Variants in WDR25 observed in about 807,000 individuals in gnomAD.
WDR25 encodes WD repeat-containing protein 25.
Under a neutral mutation model 47.7 loss-of-function variants are expected in WDR25, and 35 were observed. That is an observed-to-expected ratio of 0.73 (90% CI 0.56 to 0.97). WDR25 has a LOEUF of 0.97. WDR25 is among the 50% of genes least tolerant of loss of function. WDR25 has a pLI of 0.00. For synonymous variants in WDR25, 248 were observed against 278.9 expected (o/e 0.89, Z 1.10); for missense variants, 634 against 704.7 (o/e 0.90, Z 1.14).
At chr14:100,418,371 T>C (rs1451852696) in intron 2 of WDR25, among the ~76,000 whole-genome samples, 1 of 149,958 alleles carries the variant, frequency 6.7e-6, no homozygotes, top group Non-Finnish European at 1.5e-5. Flanking sequence ...CCGTGGCTCA[T>C]GCCTGTAATC....
chr14:100,445,942 G>A (rs966355280), intron 2 of WDR25, among the ~76,000 whole-genome samples: 1 of 152,166 alleles, frequency 6.6e-6, no homozygotes, highest in Non-Finnish European at 1.5e-5. Context: ...GGCGAGGCCC[G>A]GCCATACCAG....
At chr14:100,479,196 G>A (rs887088751) in intron 3 of WDR25, among the ~76,000 whole-genome samples, 2 of 152,166 alleles carry the variant, frequency 1.3e-5, no homozygotes, top group African/African-American at 4.8e-5. Flanking sequence ...GTGTCCTGGG[G>A]CCTCTGTGCT....
At position 100,506,493 on chromosome 14, in the gene WDR25, C is replaced by T. The variant is rs577222747; in HGVS notation, c.1102-19377C>T. On this transcript the variant is annotated intron_variant, in intron 4 of 6. Transcript: ENST00000402312. This position sits in a 1 kb window ranked among gnomAD's most constrained non-coding sequence, Gnocchi z 4.8. ...TGTTCTTTGAGAAACCTCCAAACTG[C>T]TTTCCACAATGGCTGAAATAACTTA... Among the ~76,000 whole-genome samples the T allele has an allele frequency of 1.6e-4, 24 of 152,288 alleles. No individual in the cohort carries two copies. The highest frequency in any genetic ancestry group is 5.8e-4 in the African/African-American group (24 of 41,570).
chr14:100,399,356 C>T (rs535125274), intron 2 of WDR25, among the ~76,000 whole-genome samples: 1 of 152,076 alleles, frequency 6.6e-6, no homozygotes, highest in East Asian at 1.9e-4. Context: ...CAGCCTAGGA[C>T]GTTTCCTTCC....
chr14:100,412,198 C>T (rs1273977382), intron 2 of WDR25, among the ~76,000 whole-genome samples: 1 of 145,322 alleles, frequency 6.9e-6, no homozygotes, highest in Non-Finnish European at 1.5e-5. Context: ...CAGAGTGAGA[C>T]CCTGTCTCAA....
intron 4 of WDR25, among the ~76,000 whole-genome samples, chr14:100,524,488 C>G (rs2030017171): frequency 6.6e-6 from 1 of 152,186 alleles, no homozygotes; most frequent in Admixed American, 6.5e-5. Context: ...TGGAGGAAGG[C>G]AGGCAGCCGT....
At chr14:100,481,097 A>G in intron 3 of WDR25, 1 of 417,726 alleles carries the variant, frequency 2.4e-6, no homozygotes, top group Non-Finnish European at 4.6e-6. Context: ...TTCAGACAAA[A>G]AAGTGCAAAA....
chr14:100,396,474 C>T (rs570590485), intron 2 of WDR25, among the ~76,000 whole-genome samples: 10 of 152,212 alleles, frequency 6.6e-5, no homozygotes, highest in Non-Finnish European at 1.5e-4. Flanking sequence ...GTCAATCAAG[C>T]GCAGAGCTGA....
chr14:100,486,771 C>T (rs564013324), intron 4 of WDR25, among the ~76,000 whole-genome samples: 33 of 152,288 alleles, frequency 2.2e-4, no homozygotes, highest in African/African-American at 7.5e-4. Flanking sequence ...TTTCAGGGAC[C>T]GCGGTGGGAA....
chr14:100,416,711 A>T (rs987902371), intron 2 of WDR25, among the ~76,000 whole-genome samples: 1 of 152,174 alleles, frequency 6.6e-6, no homozygotes, highest in Non-Finnish European at 1.5e-5. Context: ...CACCATGTGC[A>T]CCTGGGCTGT....
In WDR25 at chr14:100,523,614, G is replaced by T. The variant is rs148189985; in HGVS notation, c.1102-2256G>T. Among the ~76,000 whole-genome samples the T allele has an allele frequency of 6.6e-6, 1 of 152,126 alleles. No individual in the cohort carries two copies. The highest frequency in any genetic ancestry group is 1.5e-5 in the Non-Finnish European group (1 of 68,018). ...GAGCCCAGTGACCACCCCCAACCCC[G>T]TGCACTCTGGAAGTGGCAGGAACCC... is the stretch of plus-strand genomic sequence containing the variant. On this transcript the variant is annotated intron_variant, in intron 4 of 6. Coordinates refer to ENST00000402312, the MANE Select transcript of WDR25 (RefSeq NM_001161476.3). This position sits in a 1 kb window ranked among gnomAD's most constrained non-coding sequence, Gnocchi z 4.7.
At chr14:100,463,929 CCT>C (rs1899514454) in intron 2 of WDR25, among the ~76,000 whole-genome samples, 1 of 152,142 alleles carries the variant, frequency 6.6e-6, no homozygotes, top group Non-Finnish European at 1.5e-5. Context: ...CAAGCCATTT[CCT>C]CTCTCCCTGG....
At chr14:100,429,638 C>G (rs1595529151) in intron 2 of WDR25, among the ~76,000 whole-genome samples, 1 of 152,142 alleles carries the variant, frequency 6.6e-6, no homozygotes, top group South Asian at 2.1e-4. Flanking sequence ...GACTGAGTGG[C>G]CCACACAATA....
At chr14:100,443,446 G>T (rs1195576522) in intron 2 of WDR25, among the ~76,000 whole-genome samples, 1 of 151,932 alleles carries the variant, frequency 6.6e-6, no homozygotes. Flanking sequence ...GCAGATATAG[G>T]GTGGGGGTGG....
chr14:100,526,517 C>T (rs976712602), intron 5 of WDR25, among the ~76,000 whole-genome samples: 1 of 152,100 alleles, frequency 6.6e-6, no homozygotes, highest in Non-Finnish European at 1.5e-5. Context: ...TGCTATTTAG[C>T]CTCTTTGATT....
chr14:100,411,753 C>T (rs1182567839), intron 2 of WDR25, among the ~76,000 whole-genome samples: 2 of 152,144 alleles, frequency 1.3e-5, no homozygotes, highest in African/African-American at 4.8e-5. Context: ...CCAGGCTGGT[C>T]TCAAACTCCG....
intron 2 of WDR25, among the ~76,000 whole-genome samples, chr14:100,409,073 C>G (rs1897630567): frequency 6.6e-6 from 1 of 152,138 alleles, no homozygotes; most frequent in Admixed American, 6.5e-5. Context: ...ATAGAAATTT[C>G]TAGAGGCTGC....
chr14:100,464,101 C>T (rs546055779), intron 2 of WDR25, among the ~76,000 whole-genome samples: 4 of 152,196 alleles, frequency 2.6e-5, no homozygotes, highest in African/African-American at 9.7e-5. Flanking sequence ...TTGTGGTTTT[C>T]CGACTTCATC....
intron 2 of WDR25, among the ~76,000 whole-genome samples, chr14:100,463,168 C>T (rs182517768): frequency 3.7e-4 from 56 of 151,304 alleles, no homozygotes; most frequent in Non-Finnish European, 6.5e-4. Flanking sequence ...CTCCATCACT[C>T]CTTCTCTCCC....
Sources: allele counts gnomAD v4.1 joint callset (sites outside exome capture counted in the v4.1 genomes callset), GRCh38; gene constraint gnomAD v4.1.1; non-coding constraint Gnocchi (gnomAD v3.1); transcripts MANE v1.5; gene names NCBI Gene and HGNC (gene_info 2026-07-23, HGNC 2026-07-21).